RSRC1: variants seen among roughly 807,000 people sequenced by gnomAD.
The protein encoded by RSRC1 is arginine and serine rich coiled-coil 1.
In RSRC1, 39 loss-of-function variants were observed where a neutral mutation model predicts 49.1. That is an observed-to-expected ratio of 0.79 (90% CI 0.61 to 1.04). The LOEUF is 1.04. RSRC1 is among the 50% of genes least tolerant of loss of function. RSRC1 has a pLI of 0.00. For synonymous variants in RSRC1, 143 were observed against 130.8 expected, an observed-to-expected ratio of 1.09 and a Z score of -0.63; for missense variants, 388 against 402.4, an observed-to-expected ratio of 0.96 and a Z score of 0.31.
intron 6 of RSRC1, among the ~76,000 whole-genome samples, chr3:158,403,910 ACTTGATTAAGGAG>A (rs1734016921): frequency 6.6e-6 from 1 of 151,872 alleles, no homozygotes; most frequent in Non-Finnish European, 1.5e-5. Context: ...TTATTATAAA[ACTTGATTAAGGAG>A]CTTCTCAAAA....
chr3:158,482,068 A>T (rs1738633249), intron 7 of RSRC1, among the ~76,000 whole-genome samples: 1 of 152,052 alleles, frequency 6.6e-6, no homozygotes, highest in Non-Finnish European at 1.5e-5. Flanking sequence ...TAATAAAGTC[A>T]TTAAACTGAT....
At chr3:158,519,891 G>A (rs1395291637) in intron 7 of RSRC1, among the ~76,000 whole-genome samples, 1 of 152,058 alleles carries the variant, frequency 6.6e-6, no homozygotes, top group Non-Finnish European at 1.5e-5. Context: ...TTGAGCCTTG[G>A]AGTACTCTAA....
chr3:158,319,411 C>A (rs1281596018), intron 5 of RSRC1, among the ~76,000 whole-genome samples: 1 of 152,136 alleles, frequency 6.6e-6, no homozygotes, highest in Non-Finnish European at 1.5e-5. Context: ...GTCAATTAAA[C>A]CTCTTTTCTT....
At chr3:158,165,904 T>C (rs1437797162) in intron 3 of RSRC1, among the ~76,000 whole-genome samples, 2 of 152,176 alleles carry the variant, frequency 1.3e-5, no homozygotes, top group Admixed American at 6.5e-5. Flanking sequence ...TCTAATTTGC[T>C]CCTGATTGAT....
chr3:158,324,277 C>T (rs1728940627), intron 5 of RSRC1, among the ~76,000 whole-genome samples: 1 of 151,836 alleles, frequency 6.6e-6, no homozygotes, highest in Non-Finnish European at 1.5e-5. Flanking sequence ...TACATGTGCA[C>T]AACGTGCAGG....
At chr3:158,513,575 C>T (rs1057273818) in intron 7 of RSRC1, among the ~76,000 whole-genome samples, 50 of 152,226 alleles carry the variant, frequency 3.3e-4, no homozygotes, top group African/African-American at 1.2e-3. Context: ...GCCTAAAATT[C>T]TCTTTTTTGG....
chr3:158,479,827 C>T (rs1738536957), intron 7 of RSRC1, among the ~76,000 whole-genome samples: 1 of 151,930 alleles, frequency 6.6e-6, no homozygotes, highest in South Asian at 2.1e-4. Flanking sequence ...TTAACATTGG[C>T]CTAATTACTA....
At chr3:158,169,286 G>C (rs1256782601) in intron 3 of RSRC1, among the ~76,000 whole-genome samples, 1 of 152,088 alleles carries the variant, frequency 6.6e-6, no homozygotes, top group African/African-American at 2.4e-5. Context: ...GAGTCCCAGG[G>C]ATGGGCATGA....
chr3:158,280,794 A>G (rs1337272322), intron 4 of RSRC1, among the ~76,000 whole-genome samples: 5 of 151,628 alleles, frequency 3.3e-5, no homozygotes, highest in Non-Finnish European at 5.9e-5. Context: ...CTACAGGTGC[A>G]TGCCACCACG....
At chr3:158,176,228 A>G (rs905039436) in intron 3 of RSRC1, among the ~76,000 whole-genome samples, 3 of 152,342 alleles carry the variant, frequency 2.0e-5, no homozygotes, top group Non-Finnish European at 4.4e-5. Flanking sequence ...CATACTGCCC[A>G]AGGTAATTTA....
chr3:158,364,813 GAAA>G (rs1252273726), intron 6 of RSRC1, among the ~76,000 whole-genome samples: 50 of 66,130 alleles, frequency 7.6e-4, no homozygotes, highest in African/African-American at 2.2e-3. Flanking sequence ...TACAGAATGG[GAAA>G]AATAATAATA....
At chr3:158,321,092 T>C (rs1689318587) in intron 5 of RSRC1, among the ~76,000 whole-genome samples, 3 of 152,276 alleles carry the variant, frequency 2.0e-5, no homozygotes, top group African/African-American at 4.8e-5. Flanking sequence ...GATACCCATA[T>C]TAAAAACATC....
intron 6 of RSRC1, among the ~76,000 whole-genome samples, chr3:158,421,931 T>C (rs1735082966): frequency 6.6e-6 from 1 of 151,814 alleles, no homozygotes; most frequent in Non-Finnish European, 1.5e-5. Flanking sequence ...GTTCAGACAT[T>C]ATTAAATGTT....
At chr3:158,514,575 GA>G (rs979044757) in intron 7 of RSRC1, among the ~76,000 whole-genome samples, 4 of 152,138 alleles carry the variant, frequency 2.6e-5, no homozygotes, top group South Asian at 4.2e-4. Flanking sequence ...GTGTGGTGCT[GA>G]AAAAAATGTA....
intron 7 of RSRC1, among the ~76,000 whole-genome samples, chr3:158,514,940 C>A (rs1238944590): frequency 2.6e-5 from 4 of 151,764 alleles, no homozygotes; most frequent in Non-Finnish European, 5.9e-5. Context: ...GGATTGCAAC[C>A]CCTACCTTTT....
At chr3:158,464,495 T>C (rs1032861247) in intron 7 of RSRC1, among the ~76,000 whole-genome samples, 9 of 152,190 alleles carry the variant, frequency 5.9e-5, no homozygotes, top group African/African-American at 2.2e-4. Flanking sequence ...TTCTAAATTA[T>C]TCATGGGAAT....
At chr3:158,386,854 C>T (rs917000114) in intron 6 of RSRC1, among the ~76,000 whole-genome samples, 2 of 150,962 alleles carry the variant, frequency 1.3e-5, no homozygotes, top group African/African-American at 2.4e-5. Flanking sequence ...AATTTTATTA[C>T]GTATTATTGC....
intron 5 of RSRC1, among the ~76,000 whole-genome samples, chr3:158,300,376 G>A (rs1526191): frequency 0.48 from 72,411 of 151,952 alleles, 17,803 homozygotes; most frequent in East Asian, 0.64. Flanking sequence ...CATCCATCTT[G>A]CATTGTACAT....
At chr3:158,476,110 A>T (rs1193156019) in intron 7 of RSRC1, among the ~76,000 whole-genome samples, 1 of 152,188 alleles carries the variant, frequency 6.6e-6, no homozygotes, top group Non-Finnish European at 1.5e-5. Flanking sequence ...CAGCTACAAC[A>T]TTCCCTTACG....
Sources: gnomAD v4.1 joint callset for allele counts (sites outside exome capture counted in the v4.1 genomes callset) on GRCh38, gnomAD v4.1.1 for gene constraint, MANE v1.5 for transcripts, NCBI Gene and HGNC (gene_info 2026-07-23, HGNC 2026-07-21) for gene names.